Variants in ERBB4 observed in about 807,000 individuals in gnomAD.
ERBB4 encodes the protein receptor tyrosine-protein kinase erbB-4.
In ERBB4, 42 loss-of-function variants were observed where a neutral mutation model predicts 158.0. The ratio of observed to expected loss-of-function variants is 0.27; its 90% CI spans 0.21 to 0.34. The LOEUF is 0.34. ERBB4 is among the 10% of genes least tolerant of loss of function. The pLI, the probability that ERBB4 is intolerant of heterozygous loss-of-function variation, is 1.00. For missense variants in ERBB4, 1,333 were observed against 1,624.1 expected (o/e 0.82, Z 3.08); for synonymous variants, 583 against 558.7 (o/e 1.04, Z -0.61).
intron 5 of ERBB4, among the ~76,000 whole-genome samples, chr2:211,730,048 C>T (rs886965245): frequency 7.9e-5 from 12 of 151,880 alleles, no homozygotes; most frequent in African/African-American, 2.9e-4. Flanking sequence ...AGGAATCAAA[C>T]AATTCATGGT....
At chr2:211,998,529 C>CAAAAAAAAAA (rs36008694) in intron 2 of ERBB4, among the ~76,000 whole-genome samples, 1 of 116,316 alleles carries the variant, frequency 8.6e-6, no homozygotes, top group African/African-American at 3.3e-5. Flanking sequence ...CTCATACTGC[C>CAAAAAAAAAA]AAAAAAAAAA....
intron 12 of ERBB4, among the ~76,000 whole-genome samples, chr2:211,691,033 T>C (rs2072795361): frequency 6.6e-6 from 1 of 152,134 alleles, no homozygotes; most frequent in Admixed American, 6.6e-5. Flanking sequence ...AGGGAAGCTT[T>C]AAGTAATGGA....
At chr2:211,400,925 T>A (rs1359624431) in intron 25 of ERBB4, among the ~76,000 whole-genome samples, 3 of 151,970 alleles carry the variant, frequency 2.0e-5, no homozygotes, top group South Asian at 2.1e-4. Context: ...CCCACAAAAA[T>A]TAAATATTTA....
intron 25 of ERBB4, among the ~76,000 whole-genome samples, chr2:211,399,468 C>T (rs1288164767): frequency 6.6e-6 from 1 of 151,988 alleles, no homozygotes; most frequent in Non-Finnish European, 1.5e-5. Context: ...TTTTAGCATC[C>T]CTGATATTAT....
At chr2:211,824,358 A>G (rs1351854568) in intron 3 of ERBB4, among the ~76,000 whole-genome samples, 1 of 151,984 alleles carries the variant, frequency 6.6e-6, no homozygotes, top group South Asian at 2.1e-4. Flanking sequence ...TAACGTATGC[A>G]GTTCTGTTGT....
rs1300101657 is a variant in ERBB4 at position 212,232,891 on chromosome 2, C to T, written c.83-107988G>A. On this transcript the variant is annotated intron_variant, in intron 1 of 27. Transcript: ENST00000342788. The stretch of plus-strand genomic sequence containing the variant: ...GAAGTATCATTTGTCCCTTGCGCTA[C>T]AGAGATTTTTAATGCAATTATTAAA... Among the ~76,000 whole-genome samples, 9 of 148,976 alleles carry T rather than the reference C, an allele frequency of 6.0e-5. No individual in the cohort carries two copies. In the South Asian group the frequency reaches 1.5e-3, roughly 24 times the overall value.
At chr2:211,803,972 A>T (rs1288963310) in intron 3 of ERBB4, among the ~76,000 whole-genome samples, 1 of 152,114 alleles carries the variant, frequency 6.6e-6, no homozygotes, top group Non-Finnish European at 1.5e-5. Context: ...ATTCCATAAG[A>T]CTTCTTCATA....
In ERBB4 at chr2:211,436,996, G is replaced by C. The variant is rs1025529942; in HGVS notation, c.2488-5896C>G. 5.3e-5 allele frequency among the ~76,000 whole-genome samples: 8 copies of C among 152,202 alleles called. No individual in the cohort carries two copies. The East Asian group carries it at 5.8e-4, about 11-fold the overall frequency. ...TGTGGGTTAATAATGCTTTCTATGG[G>C]TTAATAAAATAGATTTTCTATACCA... On this transcript the variant is annotated intron_variant, in intron 20 of 27. Coordinates refer to ENST00000342788, the MANE Select transcript of ERBB4 (RefSeq NM_005235.3).
intron 2 of ERBB4, among the ~76,000 whole-genome samples, chr2:212,098,766 A>G (rs1429394714): frequency 6.6e-6 from 1 of 152,176 alleles, no homozygotes; most frequent in East Asian, 1.9e-4. Context: ...TAAAGTTTGT[A>G]TAAGAAAATT....
At chr2:212,108,728 T>TTTTC (rs869049220) in intron 2 of ERBB4, among the ~76,000 whole-genome samples, 7 of 150,208 alleles carry the variant, frequency 4.7e-5, no homozygotes, top group South Asian at 4.2e-4. Context: ...TTTTTTTTTT[T>TTTTC]CAGAACCAAA....
At chr2:211,978,396 G>GTCTGTCTATCTA (rs77259627) in intron 2 of ERBB4, among the ~76,000 whole-genome samples, 4,266 of 136,342 alleles carry the variant, frequency 0.031, 78 homozygotes, top group Non-Finnish European at 0.039. Context: ...CTGTCTGTCT[G>GTCTGTCTATCTA]TCTATCTATC....
chr2:212,345,992 A>G (rs1189956382), intron 1 of ERBB4, among the ~76,000 whole-genome samples: 1 of 152,222 alleles, frequency 6.6e-6, no homozygotes, highest in Non-Finnish European at 1.5e-5. Flanking sequence ...TTGCAACTAC[A>G]TTTTAAAATG....
chr2:211,909,564 T>G (rs757368670), intron 3 of ERBB4, among the ~76,000 whole-genome samples: 5 of 151,824 alleles, frequency 3.3e-5, no homozygotes, highest in Non-Finnish European at 7.4e-5. Flanking sequence ...GGCAAGTATT[T>G]GTGTATCTAA....
At chr2:212,159,810 C>T (rs2081151561) in intron 1 of ERBB4, among the ~76,000 whole-genome samples, 2 of 151,966 alleles carry the variant, frequency 1.3e-5, no homozygotes, top group Admixed American at 1.3e-4. Flanking sequence ...TACGTACATC[C>T]ATATTCAAGG....
At chr2:211,958,301 C>T (rs2081086033) in intron 2 of ERBB4, among the ~76,000 whole-genome samples, 1 of 152,086 alleles carries the variant, frequency 6.6e-6, no homozygotes, top group South Asian at 2.1e-4. Context: ...TCTGTGGATA[C>T]AATCAGGACT....
intron 2 of ERBB4, among the ~76,000 whole-genome samples, chr2:212,109,981 G>A (rs1443854398): frequency 6.6e-6 from 1 of 150,940 alleles, no homozygotes; most frequent in Non-Finnish European, 1.5e-5. Flanking sequence ...ACTTCTGCCA[G>A]CTTTTGATAC....
intron 20 of ERBB4, among the ~76,000 whole-genome samples, chr2:211,461,161 T>A (rs941460465): frequency 4.6e-5 from 7 of 152,184 alleles, no homozygotes; most frequent in Non-Finnish European, 1.0e-4. Context: ...AAAATTCATC[T>A]GTGTCATTGG....
At chr2:212,062,687 G>T (rs1270090997) in intron 2 of ERBB4, among the ~76,000 whole-genome samples, 1 of 152,108 alleles carries the variant, frequency 6.6e-6, no homozygotes, top group Non-Finnish European at 1.5e-5. Context: ...TTACAGGAGT[G>T]AGCCACCGCT....
chr2:211,533,984 A>T (rs2066575239), intron 20 of ERBB4, among the ~76,000 whole-genome samples: 1 of 152,124 alleles, frequency 6.6e-6, no homozygotes, highest in Admixed American at 6.5e-5. Flanking sequence ...ATTAGATATC[A>T]ATAGTGCTCC....
Sources: allele counts gnomAD v4.1 joint callset (sites outside exome capture counted in the v4.1 genomes callset), GRCh38; gene constraint gnomAD v4.1.1; transcripts MANE v1.5; gene names NCBI Gene and HGNC (gene_info 2026-07-23, HGNC 2026-07-21).